Variants in EFNA5 observed in about 807,000 individuals in gnomAD.
The protein encoded by EFNA5 is ephrin A5.
EFNA5 carries 5 observed loss-of-function variants against 22.9 expected under a neutral mutation model. That is an observed-to-expected ratio of 0.22 (90% CI 0.11 to 0.46). The LOEUF (loss-of-function observed/expected upper bound fraction) is 0.46, where lower values mean the gene tolerates loss of function less well. EFNA5 is among the 20% of genes least tolerant of loss of function. The pLI is 0.99. For synonymous variants in EFNA5, 113 were observed against 112.2 expected (o/e 1.01, Z -0.04); for missense variants, 237 against 293.3 (o/e 0.81, Z 1.40).
intron 1 of EFNA5, among the ~76,000 whole-genome samples, chr5:107,540,488 C>G (rs958010849): frequency 6.6e-6 from 1 of 152,036 alleles, no homozygotes; most frequent in Non-Finnish European, 1.5e-5. Context: ...TTTATGAAAA[C>G]AGTATGGCAA....
intron 1 of EFNA5, among the ~76,000 whole-genome samples, chr5:107,494,862 A>T (rs537518852): frequency 1.3e-5 from 2 of 151,688 alleles, no homozygotes; most frequent in African/African-American, 4.8e-5. Flanking sequence ...TGTCTAGCTC[A>T]GGGTGCTAGA....
At chr5:107,669,751 A>G (rs1334679708) in intron 1 of EFNA5, among the ~76,000 whole-genome samples, 1 of 151,974 alleles carries the variant, frequency 6.6e-6, no homozygotes, top group African/African-American at 2.4e-5. Flanking sequence ...GGCTCGGCCA[A>G]CTCTGGCAGC....
At chr5:107,645,668 C>T (rs552794519) in intron 1 of EFNA5, among the ~76,000 whole-genome samples, 2 of 152,262 alleles carry the variant, frequency 1.3e-5, no homozygotes, top group African/African-American at 2.4e-5. Context: ...ATTACATATA[C>T]TTAAAGTCAT....
At chr5:107,501,766 A>G (rs1037736184) in intron 1 of EFNA5, among the ~76,000 whole-genome samples, 1 of 152,240 alleles carries the variant, frequency 6.6e-6, no homozygotes, top group African/African-American at 2.4e-5. Flanking sequence ...AACCTGAATT[A>G]ACGAATGCTG....
chr5:107,504,817 C>T (rs562401529), intron 1 of EFNA5, among the ~76,000 whole-genome samples: 235 of 152,226 alleles, frequency 1.5e-3, no homozygotes, highest in African/African-American at 5.5e-3. Context: ...TTCTAGTAGA[C>T]TCTGAATTTT....
chr5:107,589,801 G>C (rs1243103522), intron 1 of EFNA5, among the ~76,000 whole-genome samples: 1 of 152,172 alleles, frequency 6.6e-6, no homozygotes, highest in Non-Finnish European at 1.5e-5. Flanking sequence ...TGAAAACAAT[G>C]GTCTCAGGTA....
At chr5:107,590,013 G>A (rs933854243) in intron 1 of EFNA5, among the ~76,000 whole-genome samples, 8 of 152,104 alleles carry the variant, frequency 5.3e-5, no homozygotes, top group African/African-American at 1.2e-4. Flanking sequence ...GAGAATTTAC[G>A]TAAGACCAGA....
intron 1 of EFNA5, among the ~76,000 whole-genome samples, chr5:107,649,463 T>C (rs958753877): frequency 6.6e-6 from 1 of 152,182 alleles, no homozygotes; most frequent in African/African-American, 2.4e-5. Flanking sequence ...TAATTCTCCA[T>C]GTTAATGAAT....
chr5:107,609,456 A>T lies in EFNA5; in HGVS notation c.125+61033T>A, dbSNP rs555631152. Among the ~76,000 whole-genome samples, 17 of 152,146 alleles carry T rather than the reference A, an allele frequency of 1.1e-4. No individual in the cohort carries two copies. In the South Asian group the frequency reaches 3.3e-3, roughly 30 times the overall value. ...TTTGATCTTTCTCTCCTGGTTATTA[A>T]CATTAGCGGCAGGAGTAGTAGATCC... On this transcript the variant is annotated intron_variant, in intron 1 of 4. Transcript: ENST00000333274.
At chr5:107,497,815 T>C (rs1580495844) in intron 1 of EFNA5, among the ~76,000 whole-genome samples, 1 of 152,284 alleles carries the variant, frequency 6.6e-6, no homozygotes, top group African/African-American at 2.4e-5. Flanking sequence ...TTTCTCATGA[T>C]GTTTTTTATT....
chr5:107,658,711 T>C (rs566287132), intron 1 of EFNA5, among the ~76,000 whole-genome samples: 51 of 152,282 alleles, frequency 3.3e-4, no homozygotes, highest in African/African-American at 1.1e-3. Context: ...CCACGGTTCA[T>C]GGGCCAGCAG....
chr5:107,564,711 T>A (rs1412950626), intron 1 of EFNA5, among the ~76,000 whole-genome samples: 1 of 150,692 alleles, frequency 6.6e-6, no homozygotes, highest in Non-Finnish European at 1.5e-5. Flanking sequence ...TCTTACCTGA[T>A]CCTTGTCCTC....
At chr5:107,389,804 C>A (rs1346448029) in intron 2 of EFNA5, among the ~76,000 whole-genome samples, 1 of 152,136 alleles carries the variant, frequency 6.6e-6, no homozygotes, top group Non-Finnish European at 1.5e-5. Context: ...CTCCATACTT[C>A]TGTGAATTAA....
intron 2 of EFNA5, among the ~76,000 whole-genome samples, chr5:107,401,900 A>C (rs1328076129): frequency 2.0e-5 from 3 of 152,182 alleles, no homozygotes; most frequent in Non-Finnish European, 4.4e-5. Context: ...AGCCAAATCT[A>C]TCTGCTCTGT....
At chr5:107,641,021 T>TAGATAGATAGATAGATAGATAGAC (rs796272956) in intron 1 of EFNA5, among the ~76,000 whole-genome samples, 10 of 112,018 alleles carry the variant, frequency 8.9e-5, no homozygotes, top group East Asian at 2.3e-4. Flanking sequence ...GATAGATAGA[T>TAGATAGATAGATAGATAGATAGAC]AGACAGACAG....
At chr5:107,454,410 A>T (rs1408077137) in intron 1 of EFNA5, among the ~76,000 whole-genome samples, 2 of 152,122 alleles carry the variant, frequency 1.3e-5, no homozygotes, top group Non-Finnish European at 2.9e-5. Context: ...CATCCAAAGG[A>T]CTACATTAAA....
chr5:107,520,066 AGT>A (rs1349329112), intron 1 of EFNA5, among the ~76,000 whole-genome samples: 2 of 152,230 alleles, frequency 1.3e-5, no homozygotes, highest in African/African-American at 4.8e-5. Context: ...TTACGGGGAC[AGT>A]GTGTCACCAG....
At chr5:107,445,403 A>G (rs1386524851) in intron 1 of EFNA5, among the ~76,000 whole-genome samples, 1 of 152,194 alleles carries the variant, frequency 6.6e-6, no homozygotes, top group African/African-American at 2.4e-5. Context: ...TATGTGCTCT[A>G]TTGAAGGGTT....
At chr5:107,501,980 C>T (rs1747146208) in intron 1 of EFNA5, among the ~76,000 whole-genome samples, 1 of 152,194 alleles carries the variant, frequency 6.6e-6, no homozygotes, top group African/African-American at 2.4e-5. Flanking sequence ...GCCCTCCTCC[C>T]TTTAAAAGCT....
Sources: allele counts gnomAD v4.1 joint callset (sites outside exome capture counted in the v4.1 genomes callset), GRCh38; gene constraint gnomAD v4.1.1; transcripts MANE v1.5; gene names NCBI Gene and HGNC (gene_info 2026-07-23, HGNC 2026-07-21).